CPED1: variants seen among roughly 807,000 people sequenced by gnomAD.
CPED1 encodes cadherin like and PC-esterase domain containing 1, also known as cadherin-like and PC-esterase domain-containing protein 1.
Under a neutral mutation model 128.2 loss-of-function variants are expected in CPED1, and 114 were observed. That is an observed-to-expected ratio of 0.89 (90% CI 0.76 to 1.04). The LOEUF is 1.04. CPED1 is among the 50% of genes least tolerant of loss of function. The pLI, the probability that CPED1 is intolerant of heterozygous loss-of-function variation, is 0.00. For missense variants in CPED1, 1,211 were observed against 1,207.1 expected, an observed-to-expected ratio of 1.00 and a Z score of -0.05; for synonymous variants, 462 against 426.7, an observed-to-expected ratio of 1.08 and a Z score of -1.02.
intron 17 of CPED1, among the ~76,000 whole-genome samples, chr7:121,242,444 A>G (rs1798419185): frequency 6.6e-6 from 1 of 152,220 alleles, no homozygotes; most frequent in African/African-American, 2.4e-5. Context: ...AATGTCAACT[A>G]TTCTTTAAAA....
intron 16 of CPED1, among the ~76,000 whole-genome samples, chr7:121,209,211 A>G (rs1797590372): frequency 1.3e-5 from 2 of 151,966 alleles, no homozygotes; most frequent in African/African-American, 2.4e-5. Flanking sequence ...CTAATGATCC[A>G]TCATCGAATA....
chr7:121,097,960 G>A, intron 6 of CPED1, 129 bp downstream of exon 6: 3 of 890,196 alleles, frequency 3.4e-6, no homozygotes, highest in Non-Finnish European at 4.9e-6. Context: ...TAAATTTTCA[G>A]CTATCCTTTT....
chr7:121,266,635 T>C, intron 19 of CPED1, 72 bp from the exon 20 acceptor site: 1 of 1,261,446 alleles, frequency 7.9e-7, no homozygotes, highest in South Asian at 1.2e-5. Context: ...CAGTGAAATG[T>C]GAGGCAGTGC....
intron 5 of CPED1, among the ~76,000 whole-genome samples, chr7:121,071,834 C>A (rs892861048): frequency 2.0e-5 from 3 of 152,100 alleles, no homozygotes; most frequent in Admixed American, 1.3e-4. Flanking sequence ...TATCCATGAT[C>A]TCATTTCTCT....
chr7:121,220,790 G>A (rs183308749), intron 16 of CPED1, among the ~76,000 whole-genome samples: 8 of 151,820 alleles, frequency 5.3e-5, no homozygotes, highest in Non-Finnish European at 1.0e-4. Flanking sequence ...AATCTTCTAA[G>A]AGATCCACTG....
chr7:121,161,950 T>C (rs1236726828), intron 16 of CPED1, among the ~76,000 whole-genome samples: 1 of 152,232 alleles, frequency 6.6e-6, no homozygotes, highest in Non-Finnish European at 1.5e-5. Flanking sequence ...AAAACTATTG[T>C]CTATGATTGG....
intron 16 of CPED1, among the ~76,000 whole-genome samples, chr7:121,203,694 AG>A (rs1202773820): frequency 6.6e-6 from 1 of 152,170 alleles, no homozygotes; most frequent in Non-Finnish European, 1.5e-5. Flanking sequence ...TGAGGGAAAC[AG>A]GGCCACTGAA....
At chr7:121,292,056 G>T (rs553790433) in intron 22 of CPED1, among the ~76,000 whole-genome samples, 1 of 152,032 alleles carries the variant, frequency 6.6e-6, no homozygotes, top group Non-Finnish European at 1.5e-5. Context: ...ATGTTGGCCT[G>T]CCTTGCTAGG....
At chr7:121,039,537 C>T (rs577077865) in intron 3 of CPED1, among the ~76,000 whole-genome samples, 2 of 152,076 alleles carry the variant, frequency 1.3e-5, no homozygotes, top group East Asian at 3.9e-4. Flanking sequence ...ATGTTAATAT[C>T]TTTTAAGGTG....
rs1584526662 is a variant in CPED1, at chr7:121,120,993, A to AAAC, written c.919-3337_919-3335dup. On this transcript the variant is annotated intron_variant, in intron 7 of 22. Coordinates refer to ENST00000310396, the MANE Select transcript of CPED1 (RefSeq NM_024913.5). ...AAAAAAAAAAAAAAAAAAAACAAAA[A>AAAC]AACTCACAGTCTAGCAGAAAGAGCA... 2.6e-4 allele frequency among the ~76,000 whole-genome samples: 39 copies of AAAC among 149,966 alleles called. No homozygotes were observed. In the East Asian group the frequency reaches 7.0e-3, roughly 27 times the overall value.
In CPED1 at chr7:121,209,166, G is replaced by A. The variant is rs116820936; in HGVS notation, c.2056-27548G>A. ...TATAGCTCTGTGGTATTTTCTTTTT[G>A]TTTTTGGCCCCTGTTGCCACATACG... On this transcript the variant is annotated intron_variant, in intron 16 of 22. Transcript: ENST00000310396. Among the ~76,000 whole-genome samples, 1,204 of 151,952 alleles carry A rather than the reference G, an allele frequency of 7.9e-3. 19 individuals are homozygous for A. The highest frequency in any genetic ancestry group is 0.028 in the African/African-American group (1,153 of 41,480).
chr7:121,197,731 T>C (rs1719807644), intron 16 of CPED1, among the ~76,000 whole-genome samples: 1 of 152,130 alleles, frequency 6.6e-6, no homozygotes, highest in African/African-American at 2.4e-5. Flanking sequence ...TGTAGAATTC[T>C]AGCTATTGAG....
intron 22 of CPED1, among the ~76,000 whole-genome samples, chr7:121,272,588 C>T (rs572257994): frequency 6.6e-6 from 1 of 152,068 alleles, no homozygotes; most frequent in Admixed American, 6.6e-5. Context: ...TTCAAAATAG[C>T]ACTAGGCTTG....
chr7:121,114,899 G>A lies in CPED1; in HGVS notation c.919-9432G>A, dbSNP rs576531481. 9.5e-4 allele frequency among the ~76,000 whole-genome samples: 144 copies of A among 152,304 alleles called. 2 individuals carry two copies. The South Asian group carries it at 0.028, about 30-fold the overall frequency. ...TCTACTGTTTACTGTGTGCATAAAC[G>A]TATGCGCATGCATAATCGTCTGTTG... On this transcript the variant is annotated intron_variant, in intron 7 of 22. Coordinates refer to ENST00000310396, the MANE Select transcript of CPED1 (RefSeq NM_024913.5).
rs868525551 is a variant in CPED1 at position 121,167,661 on chromosome 7, G to A, written c.2055+25520G>A. On this transcript the variant is annotated intron_variant, in intron 16 of 22. Transcript: ENST00000310396. ...TGATATAAAAGTTAAATCATTTTGT[G>A]TAAGCTGTAAGGTCTGAAGAAAACT... Among the ~76,000 whole-genome samples the A allele has an allele frequency of 7.0e-4, 106 of 151,018 alleles. 1 individual carries two copies. Among genetic ancestry groups the A allele is most frequent in the African/African-American group, 2.4e-3 (98 of 41,020 alleles).
intron 16 of CPED1, among the ~76,000 whole-genome samples, chr7:121,178,598 T>C (rs1420415342): frequency 6.6e-6 from 1 of 152,016 alleles, no homozygotes; most frequent in Non-Finnish European, 1.5e-5. Flanking sequence ...TACACTACAA[T>C]GGCAAAGTAC....
At chr7:121,241,231 C>A (rs1360623003) in intron 17 of CPED1, among the ~76,000 whole-genome samples, 4 of 93,820 alleles carry the variant, frequency 4.3e-5, no homozygotes, top group African/African-American at 1.7e-4. Flanking sequence ...GCCTGTAGTC[C>A]CAGCTACTTG....
chr7:121,090,890 A>G (rs12534510), intron 5 of CPED1, among the ~76,000 whole-genome samples: 1 of 151,832 alleles, frequency 6.6e-6, no homozygotes, highest in African/African-American at 2.4e-5. Context: ...CAGAGGTTGT[A>G]GTGAGCCGAG....
chr7:121,040,047 G>T (rs1006827040), intron 3 of CPED1, among the ~76,000 whole-genome samples: 1 of 152,002 alleles, frequency 6.6e-6, no homozygotes, highest in Admixed American at 6.6e-5. Flanking sequence ...CCTAGTATGG[G>T]TTTAGGCCAT....
Sources: gnomAD v4.1 joint callset for allele counts (sites outside exome capture counted in the v4.1 genomes callset) on GRCh38, gnomAD v4.1.1 for gene constraint, MANE v1.5 for transcripts, NCBI Gene and HGNC (gene_info 2026-07-23, HGNC 2026-07-21) for gene names.